Variants in CDKN2B-AS1 observed in about 807,000 individuals in gnomAD.
CDKN2B-AS1 encodes CDKN2B antisense RNA 1 (non-protein coding).
chr9:22,062,669 T>G (rs189505716), intron 4 of CDKN2B-AS1, among the ~76,000 whole-genome samples: 21 of 152,140 alleles, frequency 1.4e-4, no homozygotes, highest in Non-Finnish European at 2.5e-4. Flanking sequence ...TGAGGTGATA[T>G]TCTGTCATCT....
intron 4 of CDKN2B-AS1, among the ~76,000 whole-genome samples, chr9:22,071,407 C>A (rs1256838146): frequency 6.9e-6 from 1 of 145,390 alleles, no homozygotes; most frequent in African/African-American, 2.6e-5. Context: ...CATGTGAGGG[C>A]CTAAGTATAC....
intron 4 of CDKN2B-AS1, among the ~76,000 whole-genome samples, chr9:22,124,308 G>T (rs1031722315): frequency 1.3e-5 from 2 of 152,176 alleles, no homozygotes; most frequent in African/African-American, 4.8e-5. Flanking sequence ...AAAATGTAGA[G>T]GTAGTAGGTA....
At chr9:22,036,217 G>T (rs1822683553) in intron 1 of CDKN2B-AS1, among the ~76,000 whole-genome samples, 1 of 152,058 alleles carries the variant, frequency 6.6e-6, no homozygotes, top group Non-Finnish European at 1.5e-5. Flanking sequence ...TATTGTGCAT[G>T]GGCTAATTAG....
chr9:21,997,360 G>T lies in CDKN2B-AS1; in HGVS notation n.29+2199G>T, dbSNP rs1029986422. On this transcript the variant is annotated intron_variant and non_coding_transcript_variant, in intron 1 of 4. Coordinates refer to ENST00000650946, the Ensembl canonical transcript of CDKN2B-AS1. The surrounding 1 kb of genome is among the most constrained non-coding windows in gnomAD (Gnocchi z 4.8). ...TAATCTTATGGGACACCACCAATAT[G>T]TGACTGTGGTTGACTGAAGCATCGT... Among the ~76,000 whole-genome samples, 4 of 152,130 alleles carry T rather than the reference G, an allele frequency of 2.6e-5. No homozygotes were observed. The highest frequency in any genetic ancestry group is 7.2e-5 in the African/African-American group (3 of 41,408).
At chr9:22,067,442 A>T (rs1221659979) in intron 4 of CDKN2B-AS1, among the ~76,000 whole-genome samples, 1 of 152,152 alleles carries the variant, frequency 6.6e-6, no homozygotes, top group Non-Finnish European at 1.5e-5. Context: ...TCATGTAGGC[A>T]ACTGTTTCAG....
chr9:22,027,370 A>G (rs963722972), intron 1 of CDKN2B-AS1, among the ~76,000 whole-genome samples: 8 of 152,192 alleles, frequency 5.3e-5, no homozygotes, highest in Admixed American at 3.3e-4. Flanking sequence ...TTCACATTCA[A>G]ATGCAGAAGA....
chr9:22,116,889 A>G (rs2131373048), intron 4 of CDKN2B-AS1, among the ~76,000 whole-genome samples: 1 of 152,360 alleles, frequency 6.6e-6, no homozygotes, highest in East Asian at 1.9e-4. Flanking sequence ...TAACTTGGCT[A>G]AAAGGAATAT....
Position 22,039,427 on chromosome 9 carries a change from C to T in CDKN2B-AS1, n.30-7324C>T, listed in dbSNP as rs12376000. 0.067 allele frequency among the ~76,000 whole-genome samples: 10,115 copies of T among 152,028 alleles called. 459 individuals are homozygous for T. The highest frequency in any genetic ancestry group is 0.099 in the Non-Finnish European group (6,718 of 67,918). The stretch of plus-strand genomic sequence containing the variant: ...CAATTCTCCATATATAAATACTCGG[C>T]CCCTGTTTTAGCTGTGTCTTAATTG... On this transcript the variant is annotated intron_variant and non_coding_transcript_variant, in intron 1 of 4. Coordinates refer to ENST00000650946, the Ensembl canonical transcript of CDKN2B-AS1. The surrounding 1 kb of genome is among the most constrained non-coding windows in gnomAD (Gnocchi z 4.4).
intron 1 of CDKN2B-AS1, chr9:22,008,693 C>T (rs756160608): frequency 6.2e-7 from 1 of 1,611,036 alleles, no homozygotes; most frequent in Admixed American, 1.7e-5. Flanking sequence ...AACGGAGACT[C>T]CTGTACAAAT....
intron 4 of CDKN2B-AS1, chr9:22,063,841 G>A (rs900209568): frequency 3.3e-5 from 5 of 152,412 alleles, no homozygotes; most frequent in African/African-American, 4.8e-5. Context: ...TGGAGGACAG[G>A]CAGCTGGGGA....
intron 4 of CDKN2B-AS1, among the ~76,000 whole-genome samples, chr9:22,086,256 G>C (rs761536005): frequency 3.3e-5 from 5 of 152,162 alleles, no homozygotes; most frequent in Non-Finnish European, 7.3e-5. Flanking sequence ...TCATATCTCA[G>C]TTCAGATCCT....
chr9:22,021,360 T>C (rs190123095), intron 1 of CDKN2B-AS1, among the ~76,000 whole-genome samples: 3 of 152,322 alleles, frequency 2.0e-5, no homozygotes, highest in Non-Finnish European at 4.4e-5. Flanking sequence ...GGTAATGTGA[T>C]GCCTCCAGCT....
intron 1 of CDKN2B-AS1, among the ~76,000 whole-genome samples, chr9:22,036,852 T>A (rs1822707328): frequency 6.6e-6 from 1 of 152,060 alleles, no homozygotes; most frequent in Non-Finnish European, 1.5e-5. Context: ...GCTGTGTAGG[T>A]GTAACTCAAA....
At position 22,006,033 on chromosome 9, in the gene CDKN2B-AS1, C is replaced by T. The variant is rs1431174992; in HGVS notation, n.29+10872C>T. ...CAGGTACCCTGCAACGTCGCGGTGG[C>T]CCCGCTCCTCGGCCAAGTCCACGGG... On this transcript the variant is annotated intron_variant and non_coding_transcript_variant, in intron 1 of 4. Coordinates refer to ENST00000650946, the Ensembl canonical transcript of CDKN2B-AS1. The surrounding 1 kb of genome is among the most constrained non-coding windows in gnomAD (Gnocchi z 6.4). The T allele has an allele frequency of 6.9e-6, 11 of 1,604,084 alleles. No individual in the cohort carries two copies. The highest frequency in any genetic ancestry group is 1.7e-4 in the Middle Eastern group (1 of 5,852).
intron 4 of CDKN2B-AS1, chr9:22,120,237 T>G (rs138758421): frequency 2.6e-5 from 4 of 152,366 alleles, no homozygotes; most frequent in African/African-American, 9.6e-5. Flanking sequence ...GTGGGATGCA[T>G]GAGCTATTGA....
At chr9:22,020,925 T>C (rs1296960290) in intron 1 of CDKN2B-AS1, among the ~76,000 whole-genome samples, 1 of 152,110 alleles carries the variant, frequency 6.6e-6, no homozygotes, top group Admixed American at 6.6e-5. Flanking sequence ...AATTGCTCTG[T>C]GTCTTCCTCA....
At chr9:22,111,553 G>A (rs1825804994) in intron 4 of CDKN2B-AS1, among the ~76,000 whole-genome samples, 1 of 149,202 alleles carries the variant, frequency 6.7e-6, no homozygotes, top group South Asian at 2.1e-4. Context: ...ATGTCAAAAT[G>A]TGAAAACTAT....
chr9:22,083,912 G>T (rs1179351565), intron 4 of CDKN2B-AS1, among the ~76,000 whole-genome samples: 1 of 152,098 alleles, frequency 6.6e-6, no homozygotes, highest in Non-Finnish European at 1.5e-5. Context: ...TATATTACAT[G>T]GAATTTTCAA....
chr9:22,040,821 C>G (rs894441621), intron 1 of CDKN2B-AS1, among the ~76,000 whole-genome samples: 2 of 152,022 alleles, frequency 1.3e-5, no homozygotes, highest in South Asian at 4.1e-4. Context: ...TTTCATCTTA[C>G]TGACATTTCT....
Sources: allele counts gnomAD v4.1 joint callset (sites outside exome capture counted in the v4.1 genomes callset), GRCh38; gene constraint gnomAD v4.1.1; non-coding constraint Gnocchi (gnomAD v3.1); transcripts MANE v1.5; gene names NCBI Gene and HGNC (gene_info 2026-07-23, HGNC 2026-07-21).